ACYP2: variants seen among roughly 807,000 people sequenced by gnomAD.
ACYP2 encodes acylphosphatase 2.
Under a neutral mutation model 11.2 loss-of-function variants are expected in ACYP2, and 12 were observed. The ratio of observed to expected loss-of-function variants is 1.08; its 90% CI spans 0.69 to 1.74. ACYP2 has a LOEUF of 1.74. Among genes scored for constraint, ACYP2 ranks in the 40% most tolerant of loss-of-function variants. The probability of loss-of-function intolerance (pLI) is 0.00; values close to 1 mark genes in which losing one functional copy is unlikely to be tolerated. For synonymous variants in ACYP2, 43 were observed against 32.2 expected, an observed-to-expected ratio of 1.33 and a Z score of -1.13; for missense variants, 134 against 101.9, an observed-to-expected ratio of 1.31 and a Z score of -1.35.
intron 2 of ACYP2, among the ~76,000 whole-genome samples, chr2:54,046,681 C>T (rs1558492919): frequency 6.6e-6 from 1 of 152,144 alleles, no homozygotes; most frequent in Admixed American, 6.5e-5. Flanking sequence ...GGGCCAGCTT[C>T]AGGGGTGTAT....
intron 6 of ACYP2, among the ~76,000 whole-genome samples, chr2:54,270,795 T>G (rs1688262434): frequency 6.6e-6 from 1 of 152,210 alleles, no homozygotes; most frequent in Non-Finnish European, 1.5e-5. Context: ...TTCTGGAGAC[T>G]AGAGCAGCAT....
intron 2 of ACYP2, among the ~76,000 whole-genome samples, chr2:53,995,191 A>G (rs1672511840): frequency 6.6e-6 from 1 of 152,166 alleles, no homozygotes; most frequent in Non-Finnish European, 1.5e-5. Context: ...CATCTATCCC[A>G]TTATGACTTT....
chr2:54,278,037 T>TGGCTCACTC, intron 6 of ACYP2, among the ~76,000 whole-genome samples: 1 of 152,302 alleles, frequency 6.6e-6, no homozygotes, highest in African/African-American at 2.4e-5. Context: ...TGGACTCCAG[T>TGGCTCACTC]GGCTCACTCG....
intron 4 of ACYP2, among the ~76,000 whole-genome samples, chr2:54,070,223 T>G (rs1471318160): frequency 1.3e-5 from 2 of 149,500 alleles, no homozygotes; most frequent in Admixed American, 6.7e-5. Flanking sequence ...TGAGCCAAGA[T>G]TGTGCCATTG....
rs1687899078 is a variant in ACYP2, at chr2:54,263,963, T to A, written c.405-40725T>A. ...GCCTATTTATTGACCACCTTTTGTG[T>A]GTCAGGGAGGTGATAGATGTTTAGT... On this transcript the variant is annotated intron_variant, in intron 6 of 6. Transcript: ENST00000607452. Among the ~76,000 whole-genome samples the A allele has an allele frequency of 2.0e-5, 3 of 152,192 alleles. No homozygotes were observed. The South Asian group carries it at 6.2e-4, about 31-fold the overall frequency.
rs138812389 is a variant in ACYP2, at chr2:54,266,590, C to CTTTTTTTTTTT, written c.405-38075_405-38065dup. ...TAGATAGATATAGATATCTATCTAT[C>CTTTTTTTTTTT]TTTTTTTTTTTTTTTTTTTTTTTTT... On this transcript the variant is annotated intron_variant, in intron 6 of 6. Transcript: ENST00000607452. 2.1e-3 allele frequency among the ~76,000 whole-genome samples: 111 copies of CTTTTTTTTTTT among 52,270 alleles called. 14 individuals carry two copies. The highest frequency in any genetic ancestry group is 2.6e-3 in the Non-Finnish European group (78 of 29,942). The allele number at this position is 52,270 out of a possible 152,430, so 34.3% of individuals were successfully genotyped here.
intron 6 of ACYP2, among the ~76,000 whole-genome samples, chr2:54,159,030 A>G (rs531732635): frequency 1.3e-5 from 2 of 152,246 alleles, no homozygotes; most frequent in South Asian, 4.1e-4. Flanking sequence ...ATAGTTGTAT[A>G]TATACTCTCT....
intron 6 of ACYP2, among the ~76,000 whole-genome samples, chr2:54,230,872 C>T (rs191082864): frequency 1.4e-3 from 205 of 150,706 alleles, no homozygotes; most frequent in African/African-American, 4.8e-3. Flanking sequence ...CTCTTGTCCC[C>T]CAGGCTGGAG....
At chr2:54,243,541 C>G (rs1044898858) in intron 6 of ACYP2, among the ~76,000 whole-genome samples, 1 of 152,102 alleles carries the variant, frequency 6.6e-6, no homozygotes, top group Non-Finnish European at 1.5e-5. Flanking sequence ...GTCGCCCAGG[C>G]TGGAGTGTAG....
At chr2:54,212,942 T>C (rs1217398939) in intron 6 of ACYP2, among the ~76,000 whole-genome samples, 1 of 152,144 alleles carries the variant, frequency 6.6e-6, no homozygotes, top group East Asian at 1.9e-4. Context: ...GGCTGTTTTT[T>C]CTCCAACTTT....
intron 1 of ACYP2, among the ~76,000 whole-genome samples, chr2:53,972,704 G>A (rs571815062): frequency 2.6e-5 from 4 of 152,370 alleles, no homozygotes; most frequent in African/African-American, 9.6e-5. Context: ...CATAATCATG[G>A]CCTGGATGTC....
At chr2:54,235,442 G>A (rs183275446) in intron 6 of ACYP2, among the ~76,000 whole-genome samples, 1,857 of 152,034 alleles carry the variant, frequency 0.012, 34 homozygotes, top group African/African-American at 0.043. Context: ...TCCGCCTCCC[G>A]GGTTCACACC....
intron 4 of ACYP2, among the ~76,000 whole-genome samples, chr2:54,072,986 C>G (rs1031470313): frequency 3.3e-5 from 5 of 152,162 alleles, no homozygotes; most frequent in Admixed American, 6.5e-5. Flanking sequence ...AATTTCAAGA[C>G]TTACTACAAA....
At chr2:54,265,652 T>G (rs1687982521) in intron 6 of ACYP2, among the ~76,000 whole-genome samples, 1 of 152,220 alleles carries the variant, frequency 6.6e-6, no homozygotes, top group East Asian at 1.9e-4. Context: ...GATAAATATC[T>G]ACATACAGGG....
At chr2:54,291,495 A>T (rs1482921433) in intron 6 of ACYP2, among the ~76,000 whole-genome samples, 1 of 152,298 alleles carries the variant, frequency 6.6e-6, no homozygotes, top group Admixed American at 6.5e-5. Context: ...CTCTATTCCA[A>T]ACTCCTTCTG....
At chr2:53,977,482 C>T (rs1329165691) in intron 2 of ACYP2, among the ~76,000 whole-genome samples, 1 of 151,974 alleles carries the variant, frequency 6.6e-6, no homozygotes, top group East Asian at 1.9e-4. Flanking sequence ...CACCTGTAAT[C>T]CCAGCACTTT....
chr2:54,276,474 A>G (rs572629017), intron 6 of ACYP2, among the ~76,000 whole-genome samples: 39 of 152,298 alleles, frequency 2.6e-4, no homozygotes, highest in African/African-American at 8.2e-4. Context: ...TACCATGGGT[A>G]GAATCTTCAT....
rs191600128 is a variant in ACYP2 at position 54,008,950 on chromosome 2, C to T, written c.62+35140C>T. 2.0e-3 allele frequency among the ~76,000 whole-genome samples: 308 copies of T among 151,966 alleles called. 4 individuals carry two copies. The East Asian group carries it at 0.032, about 16-fold the overall frequency. ...GGCAGATCACCTGAGGTCAAGAGTTCGAGACCAGCCTGGCCAACATGGTGA... is the reference window on the plus strand; with the variant it reads ...GGCAGATCACCTGAGGTCAAGAGTTTGAGACCAGCCTGGCCAACATGGTGA... On this transcript the variant is annotated intron_variant, in intron 2 of 6. Coordinates refer to ENST00000607452, the MANE Select transcript of ACYP2 (RefSeq NM_001320586.2).
intron 4 of ACYP2, among the ~76,000 whole-genome samples, chr2:54,081,756 G>A (rs893640342): frequency 6.6e-6 from 1 of 152,200 alleles, no homozygotes; most frequent in Non-Finnish European, 1.5e-5. Context: ...ATCTGGTCGG[G>A]TGGGTGGTTC....
Sources: allele counts gnomAD v4.1 joint callset (sites outside exome capture counted in the v4.1 genomes callset), GRCh38; gene constraint gnomAD v4.1.1; transcripts MANE v1.5; gene names NCBI Gene and HGNC (gene_info 2026-07-23, HGNC 2026-07-21).